Variants in FOXN3 observed in about 807,000 individuals in gnomAD.
FOXN3 encodes the protein forkhead box N3.
In FOXN3, 7 loss-of-function variants were observed where a neutral mutation model predicts 38.4. That is an observed-to-expected ratio of 0.18 (90% CI 0.10 to 0.34). The LOEUF is 0.34. Ranked by LOEUF, FOXN3 falls within the 10% of genes least tolerant of loss-of-function variation. The pLI, the probability that FOXN3 is intolerant of heterozygous loss-of-function variation, is 1.00. For synonymous variants in FOXN3, 230 were observed against 242.2 expected (o/e 0.95, Z 0.47); for missense variants, 456 against 613.4 (o/e 0.74, Z 2.71).
intron 1 of FOXN3, among the ~76,000 whole-genome samples, chr14:89,440,846 A>G (rs908900375): frequency 6.6e-6 from 1 of 152,166 alleles, no homozygotes; most frequent in East Asian, 1.9e-4. Flanking sequence ...CAACCTGTCA[A>G]TGGGCAACAG....
intron 2 of FOXN3, among the ~76,000 whole-genome samples, chr14:89,363,987 T>TATATATATATATATATATATATAA (rs1890041958): frequency 1.5e-5 from 1 of 67,170 alleles, no homozygotes; most frequent in African/African-American, 7.7e-5. Context: ...TATATATATA[T>TATATATATATATATATATATATAA]AATATATATA....
chr14:89,570,619 C>T (rs775734640), intron 1 of FOXN3, among the ~76,000 whole-genome samples: 7 of 151,958 alleles, frequency 4.6e-5, no homozygotes, highest in Non-Finnish European at 7.4e-5. Context: ...CGGCTCAGGA[C>T]GGCTTTGAAT....
intron 1 of FOXN3, among the ~76,000 whole-genome samples, chr14:89,594,992 T>C (rs1250728243): frequency 1.3e-5 from 2 of 152,102 alleles, no homozygotes; most frequent in South Asian, 2.1e-4. Flanking sequence ...ACTCTATACA[T>C]CACTTTGAGA....
intron 1 of FOXN3, among the ~76,000 whole-genome samples, chr14:89,469,413 G>A (rs1893046505): frequency 6.6e-6 from 1 of 152,254 alleles, no homozygotes; most frequent in Admixed American, 6.5e-5. Context: ...TTCTCCAACT[G>A]AAGGTTGCTG....
intron 3 of FOXN3, among the ~76,000 whole-genome samples, chr14:89,332,252 T>G (rs1888270710): frequency 4.6e-5 from 7 of 152,184 alleles, no homozygotes; most frequent in Admixed American, 4.6e-4. Flanking sequence ...TATGACTCAC[T>G]AAGTCAATGA....
chr14:89,346,364 C>T (rs1888758828), intron 3 of FOXN3, among the ~76,000 whole-genome samples: 1 of 152,160 alleles, frequency 6.6e-6, no homozygotes, highest in Non-Finnish European at 1.5e-5. Flanking sequence ...GACACATTTG[C>T]TCATCATGTC....
At chr14:89,207,804 T>A (rs1032838356) in intron 4 of FOXN3, among the ~76,000 whole-genome samples, 1 of 152,244 alleles carries the variant, frequency 6.6e-6, no homozygotes, top group Non-Finnish European at 1.5e-5. Context: ...CAGGTGACAC[T>A]GTGCTCCAAG....
At chr14:89,407,070 T>C (rs900029906) in intron 2 of FOXN3, among the ~76,000 whole-genome samples, 1 of 151,118 alleles carries the variant, frequency 6.6e-6, no homozygotes, top group Admixed American at 6.6e-5. Context: ...AACCCATGGC[T>C]CAATCTCAGC....
Position 89,434,014 on chromosome 14 carries a change from C to A in FOXN3, c.-14-21524G>T, listed in dbSNP as rs536901373. 9.3e-5 allele frequency among the ~76,000 whole-genome samples: 14 copies of A among 150,468 alleles called. No individual in the cohort carries two copies. In the East Asian group the frequency reaches 2.6e-3, roughly 28 times the overall value. On this transcript the variant is annotated intron_variant, in intron 1 of 6. Transcript: ENST00000345097. ...ATCTTGGCTCACTGCAACCTCGCCT[C>A]CCAGATTCAAGCAATTCTCCTGTCT...
intron 1 of FOXN3, among the ~76,000 whole-genome samples, chr14:89,587,744 G>A (rs1187452737): frequency 1.3e-5 from 2 of 151,842 alleles, no homozygotes; most frequent in Admixed American, 6.6e-5. Flanking sequence ...GCATGTGCCT[G>A]TAATCCCAGC....
chr14:89,536,798 A>T (rs1198603231), intron 1 of FOXN3, among the ~76,000 whole-genome samples: 3 of 152,146 alleles, frequency 2.0e-5, no homozygotes, highest in African/African-American at 7.2e-5. Flanking sequence ...AAAAAAATTT[A>T]AAAAGATTTT....
intron 1 of FOXN3, among the ~76,000 whole-genome samples, chr14:89,542,342 T>A (rs1201130321): frequency 6.6e-6 from 1 of 152,248 alleles, no homozygotes; most frequent in Non-Finnish European, 1.5e-5. Flanking sequence ...ATTAATTTGT[T>A]CCCTTAACCG....
intron 4 of FOXN3, among the ~76,000 whole-genome samples, chr14:89,256,862 G>A (rs970277397): frequency 5.9e-5 from 9 of 152,126 alleles, no homozygotes; most frequent in East Asian, 1.9e-4. Context: ...ATGAGACCAC[G>A]GTTTGATATT....
At chr14:89,322,033 T>C (rs952087086) in intron 3 of FOXN3, among the ~76,000 whole-genome samples, 2 of 152,228 alleles carry the variant, frequency 1.3e-5, no homozygotes, top group African/African-American at 4.8e-5. Flanking sequence ...CTGGCCCTGA[T>C]ACTGCAACCC....
chr14:89,343,530 A>T (rs1183826046), intron 3 of FOXN3, among the ~76,000 whole-genome samples: 1 of 151,954 alleles, frequency 6.6e-6, no homozygotes, highest in Non-Finnish European at 1.5e-5. Flanking sequence ...AGGCAGGATA[A>T]TAGAACTTGC....
intron 1 of FOXN3, among the ~76,000 whole-genome samples, chr14:89,414,485 T>A (rs547931129): frequency 6.6e-6 from 1 of 151,592 alleles, no homozygotes; most frequent in Admixed American, 6.6e-5. Flanking sequence ...GTACCTTCCC[T>A]CTTCCAAAAG....
At chr14:89,520,240 C>CT (rs1043875785) in intron 1 of FOXN3, among the ~76,000 whole-genome samples, 13 of 141,340 alleles carry the variant, frequency 9.2e-5, no homozygotes, top group Non-Finnish European at 1.4e-4. Context: ...GTTTTTCTTT[C>CT]TTTTTTTTGA....
chr14:89,328,608 C>G (rs1372739644), intron 3 of FOXN3, among the ~76,000 whole-genome samples: 1 of 152,252 alleles, frequency 6.6e-6, no homozygotes, highest in African/African-American at 2.4e-5. Flanking sequence ...TTCCCACCAG[C>G]AGCACTGGAT....
intron 3 of FOXN3, among the ~76,000 whole-genome samples, chr14:89,332,086 C>T (rs1012343423): frequency 6.6e-6 from 1 of 152,162 alleles, no homozygotes; most frequent in Non-Finnish European, 1.5e-5. Context: ...CCTAACAACC[C>T]CAGGAAGCTG....
Sources: gnomAD v4.1 joint callset for allele counts (sites outside exome capture counted in the v4.1 genomes callset) on GRCh38, gnomAD v4.1.1 for gene constraint, MANE v1.5 for transcripts, NCBI Gene and HGNC (gene_info 2026-07-23, HGNC 2026-07-21) for gene names.